CNOT7: variants seen among roughly 807,000 people sequenced by gnomAD.
CNOT7 encodes the protein BTG1-binding factor 1.
A neutral mutation model predicts 37.1 loss-of-function variants in CNOT7; 4 were observed. That is an observed-to-expected ratio of 0.11 (90% CI 0.05 to 0.25). The LOEUF is 0.25. CNOT7 is among the 10% of genes least tolerant of loss of function. The pLI, the probability that CNOT7 is intolerant of heterozygous loss-of-function variation, is 1.00. For synonymous variants in CNOT7, 128 were observed against 115.6 expected, an observed-to-expected ratio of 1.11 and a Z score of -0.69; for missense variants, 170 against 336.2, an observed-to-expected ratio of 0.51 and a Z score of 3.87.
rs1238561454 is a variant in CNOT7 at position 17,230,840 on chromosome 8, A to G, written c.738T>C (p.Phe246=). 3 of 1,587,476 alleles carry G rather than the reference A, an allele frequency of 1.9e-6. No individual in the cohort carries two copies. Among genetic ancestry groups the G allele is most frequent in the Non-Finnish European group, 2.6e-6 (3 of 1,167,444 alleles). Reference sequence around the variant, plus strand: ...ATTTGGCATCATCAATATGATCTTCAAAGAACATCTAAAAAGGAATTTTGA... The same window carrying G: ...ATTTGGCATCATCAATATGATCTTCGAAGAACATCTAAAAAGGAATTTTGA... ...MAFFKMREMF[F]EDHIDDAKYC... Residue 246 remains phenylalanine (F), a synonymous_variant, in exon 7 of 7, where the codon TTT becomes TTC. Coordinates refer to ENST00000361272, the MANE Select transcript of CNOT7 (RefSeq NM_013354.7).
chr8:17,244,347 A>G (rs1585851257), intron 2 of CNOT7: 1 of 152,280 alleles, frequency 6.6e-6, no homozygotes, highest in South Asian at 2.1e-4. Flanking sequence ...GCAGACCAAC[A>G]ACGTTTCACT....
rs891070949 is a variant in CNOT7, at chr8:17,229,819, A to T, written c.*901T>A. The T allele has an allele frequency of 6.8e-6, 1 of 146,132 alleles. No homozygotes were observed. Among genetic ancestry groups the T allele is most frequent in the South Asian group, 2.3e-4 (1 of 4,406 alleles). 9.1% of individuals were successfully genotyped at this position (146,132 alleles called of 1,614,324 possible). A position where few individuals can be genotyped will look rare whatever the true frequency, so the allele number is the denominator to read the frequency against. ...GTGTAACCAACAAATCAAGAGCATC[A>T]TAAGAATGGCTACAAAATTTAAAAA... On this transcript the variant is annotated 3_prime_UTR_variant, in exon 7 of 7. Coordinates refer to ENST00000361272, the MANE Select transcript of CNOT7 (RefSeq NM_013354.7).
chr8:17,240,813 T>C (rs1317810307), intron 3 of CNOT7, among the ~76,000 whole-genome samples: 1 of 152,212 alleles, frequency 6.6e-6, no homozygotes, highest in African/African-American at 2.4e-5. Context: ...GTAGTTCTTA[T>C]AAAAGGTTTT....
intron 5 of CNOT7, among the ~76,000 whole-genome samples, chr8:17,234,249 CAAAAT>C (rs1809031496): frequency 6.6e-6 from 1 of 152,094 alleles, no homozygotes; most frequent in Non-Finnish European, 1.5e-5. Flanking sequence ...CTAGAACTGA[CAAAAT>C]AATTTCTAGC....
At chr8:17,245,591 CTTA>C (rs976702331) in intron 1 of CNOT7, among the ~76,000 whole-genome samples, 2 of 152,144 alleles carry the variant, frequency 1.3e-5, no homozygotes, top group African/African-American at 4.8e-5. Flanking sequence ...TGAAAAATTA[CTTA>C]TTTACATGTG....
chr8:17,238,360 A>G lies in CNOT7; in HGVS notation c.312-987T>C, dbSNP rs1479515261. On this transcript the variant is annotated intron_variant, in intron 3 of 6. Transcript: ENST00000361272. The stretch of plus-strand genomic sequence containing the variant: ...AAAGTATCGTTATGGTTAGTCCTTT[A>G]GAAATCAATTTATTTCTAAATGTCT... Among the ~76,000 whole-genome samples, 4 of 151,590 alleles carry G rather than the reference A, an allele frequency of 2.6e-5. No homozygotes were observed. The East Asian group carries it at 7.8e-4, about 29-fold the overall frequency.
At chr8:17,233,018 T>A (rs1359422644) in intron 5 of CNOT7, among the ~76,000 whole-genome samples, 1 of 152,218 alleles carries the variant, frequency 6.6e-6, no homozygotes. Context: ...GCTAAATGCT[T>A]CACTATGGTT....
In CNOT7 at chr8:17,226,516, T is replaced by G. The variant is rs1313120838; in HGVS notation, c.*4204A>C. On this transcript the variant is annotated 3_prime_UTR_variant, in exon 7 of 7. Transcript: ENST00000361272. Reference sequence around the variant, plus strand: ...TGGTATTTGCCCTTTAGCATGTCATTCATTCAAGATGATTCATTTCCAACA... The same window carrying G: ...TGGTATTTGCCCTTTAGCATGTCATGCATTCAAGATGATTCATTTCCAACA... 6.6e-6 allele frequency: 1 copy of G among 151,728 alleles called. No homozygotes were observed. The highest frequency in any genetic ancestry group is 1.5e-5 in the Non-Finnish European group (1 of 67,714). 9.4% of individuals were successfully genotyped at this position (151,728 alleles called of 1,614,324 possible).
rs1441124010 is a variant in CNOT7, at chr8:17,234,669, T to G, written c.618+47A>C. On this transcript the variant is annotated intron_variant, in intron 5 of 6. Coordinates refer to ENST00000361272, the MANE Select transcript of CNOT7 (RefSeq NM_013354.7). ...AGCCTAGGCTCGCATGACAGTCACT[T>G]GGTCTGAACAGTGTGCTGCTGTAGA... The G allele has an allele frequency of 6.2e-6, 10 of 1,600,950 alleles. No individual in the cohort carries two copies. In the South Asian group the frequency reaches 8.8e-5, roughly 14 times the overall value.
intron 3 of CNOT7, 134 bp from the exon 4 acceptor site, chr8:17,237,507 T>C (rs974738064): frequency 5.9e-6 from 4 of 678,622 alleles, no homozygotes; most frequent in East Asian, 2.7e-5. Flanking sequence ...TTCAATGCTT[T>C]ATATATATGC....
chr8:17,233,600 TA>T (rs1004608750), intron 5 of CNOT7, among the ~76,000 whole-genome samples: 3 of 151,134 alleles, frequency 2.0e-5, no homozygotes, highest in East Asian at 1.9e-4. Flanking sequence ...ACATGTCAAT[TA>T]AAAAAAAAGT....
chr8:17,244,193 C>T (rs1285972706), intron 2 of CNOT7: 1 of 157,088 alleles, frequency 6.4e-6, no homozygotes, highest in Non-Finnish European at 1.4e-5. Flanking sequence ...GGGTAGCTAA[C>T]AGATATAGAC....
Position 17,230,592 on chromosome 8 carries a change from A to C in CNOT7, c.*128T>G. On this transcript the variant is annotated 3_prime_UTR_variant, in exon 7 of 7. Transcript: ENST00000361272. ...ACGGTCATACTTAGTACTGAAAGGC[A>C]GACAATAAAATGGGCCATGAAAGGG... is the stretch of plus-strand genomic sequence containing the variant. 1.5e-6 allele frequency: 1 copy of C among 650,730 alleles called. No homozygotes were observed. Among genetic ancestry groups the C allele is most frequent in the African/African-American group, 1.9e-5 (1 of 53,482 alleles). 40.3% of individuals were successfully genotyped at this position (650,730 alleles called of 1,614,324 possible). A position where few individuals can be genotyped will look rare whatever the true frequency, so the allele number is the denominator to read the frequency against.
At position 17,228,211 on chromosome 8, in the gene CNOT7, G is replaced by A. The variant is rs1808281634; in HGVS notation, c.*2509C>T. ...GGCAGCAAGCTGATTCTGGCTACGG[G>A]CCATAGTTTGACAACCCTTGCTCTA... is the stretch of plus-strand genomic sequence containing the variant. On this transcript the variant is annotated 3_prime_UTR_variant, in exon 7 of 7. Transcript: ENST00000361272. 6.6e-6 allele frequency: 1 copy of A among 151,812 alleles called. No individual in the cohort carries two copies. Among genetic ancestry groups the A allele is most frequent in the Non-Finnish European group, 1.5e-5 (1 of 67,822 alleles). The allele number at this position is 151,812 out of a possible 1,614,324, so 9.4% of individuals were successfully genotyped here.
chr8:17,240,933 T>G (rs1247232688), intron 3 of CNOT7, among the ~76,000 whole-genome samples: 2 of 152,130 alleles, frequency 1.3e-5, no homozygotes, highest in Non-Finnish European at 2.9e-5. Context: ...ATAAACTAAC[T>G]TAAACAACAA....
In CNOT7 at chr8:17,237,146, C is replaced by G. The variant is rs979435503; in HGVS notation, c.473+66G>C. On this transcript the variant is annotated intron_variant, in intron 4 of 6. Coordinates refer to ENST00000361272, the MANE Select transcript of CNOT7 (RefSeq NM_013354.7). ...AAACCTGAAATTGCTAACATAGTGA[C>G]CCAAGTAAGTGTGGAGCAAGTATGA... The G allele has an allele frequency of 9.4e-6, 14 of 1,496,694 alleles. No individual in the cohort carries two copies. In the South Asian group the frequency reaches 1.5e-4, roughly 16 times the overall value. The allele number at this position is 1,496,694 out of a possible 1,614,324, so 92.7% of individuals were successfully genotyped here. A position where few individuals can be genotyped will look rare whatever the true frequency, so the allele number is the denominator to read the frequency against.
At chr8:17,240,956 A>G (rs951076404) in intron 3 of CNOT7, among the ~76,000 whole-genome samples, 5 of 152,274 alleles carry the variant, frequency 3.3e-5, no homozygotes, top group South Asian at 2.1e-4. Context: ...AAAAAATCTC[A>G]TAATGTTTTA....
rs1275858180 is a variant in CNOT7 at position 17,225,813 on chromosome 8, G to C, written c.*4907C>G. On this transcript the variant is annotated 3_prime_UTR_variant, in exon 7 of 7. Transcript: ENST00000361272. ...TGTGTGAACTGGCCTTCACTACAAAGCACCGACACACAGAATAATCAGCAT... is the reference window on the plus strand; with the variant it reads ...TGTGTGAACTGGCCTTCACTACAAACCACCGACACACAGAATAATCAGCAT... 1.3e-5 allele frequency: 2 copies of C among 151,562 alleles called. No individual in the cohort carries two copies. Among genetic ancestry groups the C allele is most frequent in the Admixed American group, 1.3e-4 (2 of 15,192 alleles). 9.4% of individuals were successfully genotyped at this position (151,562 alleles called of 1,614,324 possible).
intron 6 of CNOT7, among the ~76,000 whole-genome samples, chr8:17,231,119 TCATGGAAAAATAACTATTCC>T (rs1808545076): frequency 6.6e-6 from 1 of 152,130 alleles, no homozygotes; most frequent in Non-Finnish European, 1.5e-5. Flanking sequence ...GAATTTTTCA[TCATGGAAAAATAACTATTCC>T]ATTAATTTAA....
Sources: gnomAD v4.1 joint callset for allele counts (sites outside exome capture counted in the v4.1 genomes callset) on GRCh38, gnomAD v4.1.1 for gene constraint, MANE v1.5 for transcripts, NCBI Gene and HGNC (gene_info 2026-07-23, HGNC 2026-07-21) for gene names.